The following CSNK2A2IP variants were observed in gnomAD, a reference collection of about 807,000 sequenced individuals.
CSNK2A2IP encodes casein kinase II subunit alpha'-interacting protein.
the CSNK2A2IP span, among the ~76,000 whole-genome samples, chr3:88,377,895 T>A: frequency 6.6e-6 from 1 of 151,948 alleles, no homozygotes; most frequent in African/African-American, 2.4e-5. Context: ...TAATTCACTC[T>A]TTTGTAATTG....
At chr3:88,424,280 A>G in the CSNK2A2IP span, among the ~76,000 whole-genome samples, 1 of 152,204 alleles carries the variant, frequency 6.6e-6, no homozygotes, top group Admixed American at 6.5e-5. Flanking sequence ...TGGCCTATGT[A>G]TTCATGTGAT....
the CSNK2A2IP span, among the ~76,000 whole-genome samples, chr3:88,347,879 G>C: frequency 6.6e-6 from 1 of 151,814 alleles, no homozygotes; most frequent in African/African-American, 2.4e-5. Context: ...TTGAAATACA[G>C]GAGATACATG....
At chr3:88,444,955 G>C in the CSNK2A2IP span, among the ~76,000 whole-genome samples, 1 of 152,020 alleles carries the variant, frequency 6.6e-6, no homozygotes, top group African/African-American at 2.4e-5. Flanking sequence ...TTTAAACCTA[G>C]TGACCATTTC....
chr3:88,392,787 G>A, the CSNK2A2IP span, among the ~76,000 whole-genome samples: 1 of 152,170 alleles, frequency 6.6e-6, no homozygotes, highest in Admixed American at 6.5e-5. Context: ...GTGGAGAGAA[G>A]AGAAATAGGA....
the CSNK2A2IP span, among the ~76,000 whole-genome samples, chr3:88,408,906 A>C: frequency 6.6e-6 from 1 of 151,564 alleles, no homozygotes; most frequent in Admixed American, 6.6e-5. Flanking sequence ...ATAACTTTAG[A>C]CTCCTTGAAA....
At chr3:88,393,559 G>A in the CSNK2A2IP span, among the ~76,000 whole-genome samples, 403 of 152,260 alleles carry the variant, frequency 2.6e-3, 5 homozygotes, top group African/African-American at 9.0e-3. Context: ...TTAGGGTAAT[G>A]GTGCCATAGA....
the CSNK2A2IP span, among the ~76,000 whole-genome samples, chr3:88,375,344 G>C: frequency 6.6e-6 from 1 of 151,754 alleles, no homozygotes; most frequent in South Asian, 2.1e-4. Flanking sequence ...CTTCTATCCT[G>C]TTGTTGGGTG....
chr3:88,450,146 G>A, the CSNK2A2IP span, among the ~76,000 whole-genome samples: 288 of 151,958 alleles, frequency 1.9e-3, 2 homozygotes, highest in Non-Finnish European at 2.4e-3. Flanking sequence ...TGGGATTATG[G>A]ATGTGATCCA....
chr3:88,463,253 G>T, the CSNK2A2IP span, among the ~76,000 whole-genome samples: 2 of 143,992 alleles, frequency 1.4e-5, no homozygotes, highest in Non-Finnish European at 3.0e-5. Flanking sequence ...GATCACTTTA[G>T]TTTTTTTTTT....
chr3:88,374,904 G>T, the CSNK2A2IP span, among the ~76,000 whole-genome samples: 2 of 151,594 alleles, frequency 1.3e-5, no homozygotes, highest in Non-Finnish European at 3.0e-5. Flanking sequence ...ATCAGGGTAG[G>T]AAGGAAAAGA....
the CSNK2A2IP span, among the ~76,000 whole-genome samples, chr3:88,345,759 G>T: frequency 7.6e-6 from 1 of 131,044 alleles, no homozygotes; most frequent in South Asian, 3.0e-4. Context: ...CCCCAAGACA[G>T]AATATTGTTG....
chr3:88,384,912 A>G, the CSNK2A2IP span, among the ~76,000 whole-genome samples: 33 of 152,310 alleles, frequency 2.2e-4, no homozygotes, highest in African/African-American at 7.2e-4. Context: ...AATTTCTGAG[A>G]TGACAAAGAT....
At chr3:88,389,557 A>G in the CSNK2A2IP span, among the ~76,000 whole-genome samples, 5 of 152,216 alleles carry the variant, frequency 3.3e-5, no homozygotes, top group Non-Finnish European at 7.3e-5. Flanking sequence ...GCAGAGAAAT[A>G]AGAATATCTG....
the CSNK2A2IP span, among the ~76,000 whole-genome samples, chr3:88,384,444 C>T: frequency 1.3e-4 from 19 of 151,692 alleles, no homozygotes; most frequent in African/African-American, 3.9e-4. Flanking sequence ...CATGGGGATG[C>T]AAGTAAAAGG....
the CSNK2A2IP span, among the ~76,000 whole-genome samples, chr3:88,381,146 G>A: frequency 6.6e-5 from 10 of 152,282 alleles, no homozygotes; most frequent in East Asian, 1.5e-3. Flanking sequence ...TCTGGTCCTC[G>A]TCCTGAGATT....
At chr3:88,413,003 A>G in the CSNK2A2IP span, among the ~76,000 whole-genome samples, 1 of 152,168 alleles carries the variant, frequency 6.6e-6, no homozygotes, top group Non-Finnish European at 1.5e-5. Context: ...GTTTTAATGG[A>G]TAGAAGTAGG....
the CSNK2A2IP span, among the ~76,000 whole-genome samples, chr3:88,385,964 A>G: frequency 2.0e-5 from 3 of 152,224 alleles, no homozygotes; most frequent in African/African-American, 7.2e-5. Flanking sequence ...AAGACTCTGC[A>G]AGTCTGAGGT....
chr3:88,450,454 C>T, the CSNK2A2IP span, among the ~76,000 whole-genome samples: 1 of 152,062 alleles, frequency 6.6e-6, no homozygotes, highest in Non-Finnish European at 1.5e-5. Flanking sequence ...TTTCTGCCTC[C>T]TCCTGGTAAC....
the CSNK2A2IP span, among the ~76,000 whole-genome samples, chr3:88,447,025 A>AT: frequency 6.6e-6 from 1 of 152,226 alleles, no homozygotes; most frequent in Non-Finnish European, 1.5e-5. Flanking sequence ...ATCACATTGG[A>AT]TGAATCAGCC....
Sources: gnomAD v4.1 joint callset for allele counts (sites outside exome capture counted in the v4.1 genomes callset) on GRCh38, gnomAD v4.1.1 for gene constraint, MANE v1.5 for transcripts, NCBI Gene and HGNC (gene_info 2026-07-23, HGNC 2026-07-21) for gene names.